Variants in ELP1 observed in about 807,000 individuals in gnomAD.
The protein encoded by ELP1 is elongator complex protein 1.
ELP1 carries 131 observed loss-of-function variants against 183.2 expected under a neutral mutation model. The observed-to-expected ratio is 0.72, with a 90% CI of 0.62 to 0.83. The LOEUF is 0.83. Among genes scored for constraint, ELP1 ranks in the 40% least tolerant of loss-of-function variants. The pLI, the probability that ELP1 is intolerant of heterozygous loss-of-function variation, is 0.00. For missense variants in ELP1, 1,550 were observed against 1,594.9 expected (o/e 0.97, Z 0.48); for synonymous variants, 555 against 569.0 (o/e 0.98, Z 0.35).
intron 5 of ELP1, among the ~76,000 whole-genome samples, chr9:108,924,264 A>T (rs1332936271): frequency 6.6e-6 from 1 of 152,180 alleles, no homozygotes; most frequent in Non-Finnish European, 1.5e-5. Context: ...TCAACATTAG[A>T]ATTGAGCAGC....
At chr9:108,887,915 T>C (rs576672634) in intron 29 of ELP1, among the ~76,000 whole-genome samples, 2 of 152,260 alleles carry the variant, frequency 1.3e-5, no homozygotes, top group East Asian at 3.9e-4. Context: ...AAGTTAAACA[T>C]CCACTTACCA....
intron 34 of ELP1, 95 bp downstream of exon 34, chr9:108,878,528 A>T: frequency 1.3e-6 from 2 of 1,521,192 alleles, no homozygotes; most frequent in East Asian, 2.3e-5. Flanking sequence ...AAATTGGGAA[A>T]ATGGTAGCTT....
chr9:108,885,644 C>T (rs973923214), intron 29 of ELP1, among the ~76,000 whole-genome samples: 1 of 152,202 alleles, frequency 6.6e-6, no homozygotes, highest in Non-Finnish European at 1.5e-5. Context: ...GTTGGAGTAG[C>T]TGATCAAAGC....
intron 8 of ELP1, 26 bp from the exon 9 acceptor site, chr9:108,917,696 A>G (rs369406513): frequency 2.5e-5 from 41 of 1,613,442 alleles, no homozygotes; most frequent in Admixed American, 1.3e-4. Flanking sequence ...GAGTGTTACA[A>G]TATCGAAAGC....
intron 29 of ELP1, among the ~76,000 whole-genome samples, chr9:108,882,529 T>C (rs775885798): frequency 2.0e-5 from 3 of 152,166 alleles, no homozygotes; most frequent in Non-Finnish European, 4.4e-5. Context: ...TCCAGAATTG[T>C]TAACAAGACC....
rs767528527 is a variant in ELP1, at chr9:108,898,515, A to T, written c.2350T>A (p.Phe784Ile). Residue 784 changes from phenylalanine (F) to isoleucine (I), a missense_variant, in exon 22 of 37, where the codon TTT becomes ATT. By Grantham distance (21) the Phe-to-Ile change is conservative. Transcript: ENST00000374647. ...CAAAATACTTACTTCAATTCTGTAAAAAACAAGTTAATATGATTCACAGAA... is the reference window on the plus strand; with the variant it reads ...CAAAATACTTACTTCAATTCTGTAATAAACAAGTTAATATGATTCACAGAA... ...IDSVNHINLFFTELKEEDVTK... is the reference protein window; with the variant it reads ...IDSVNHINLFITELKEEDVTK... 6.4e-7 allele frequency: 1 copy of T among 1,561,790 alleles called. No homozygotes were observed. The highest frequency in any genetic ancestry group is 1.7e-5 in the Admixed American group (1 of 59,576).
Position 108,908,388 on chromosome 9 carries a change from A to G in ELP1, c.1377T>C (p.Ala459=). ...CAGCTCCCAGTTTCACTGTAGGGTCAGCACTTGGACAATCACCTGGAAAAC... is the reference window on the plus strand; with the variant it reads ...CAGCTCCCAGTTTCACTGTAGGGTCGGCACTTGGACAATCACCTGGAAAAC... ...SVYKCGDCPS[A]DPTVKLGAVG... is the part of the protein sequence containing the mutation. The change falls in exon 13 of 37, where the codon GCT becomes GCC. Residue 459 remains alanine (A), a synonymous_variant. Transcript: ENST00000374647. The G allele has an allele frequency of 6.2e-7, 1 of 1,614,088 alleles. No homozygotes were observed. The highest frequency in any genetic ancestry group is 8.5e-7 in the Non-Finnish European group (1 of 1,179,920).
intron 2 of ELP1, among the ~76,000 whole-genome samples, chr9:108,930,704 A>C (rs1014651976): frequency 1.3e-5 from 2 of 151,974 alleles, no homozygotes; most frequent in Non-Finnish European, 2.9e-5. Context: ...AAAAAAAAAA[A>C]AAAAAACCAC....
At chr9:108,927,751 G>A (rs778278930) in intron 3 of ELP1, among the ~76,000 whole-genome samples, 1 of 152,138 alleles carries the variant, frequency 6.6e-6, no homozygotes, top group Non-Finnish European at 1.5e-5. Flanking sequence ...AGATGGAACT[G>A]GAGATGATTA....
chr9:108,906,598 T>G, intron 13 of ELP1, 113 bp from the exon 14 acceptor site: 1 of 826,590 alleles, frequency 1.2e-6, no homozygotes, highest in Non-Finnish European at 2.0e-6. Flanking sequence ...TCCTAATTAT[T>G]TGGAGGGACA....
chr9:108,880,599 T>C (rs1371102606), intron 31 of ELP1, among the ~76,000 whole-genome samples: 2 of 152,176 alleles, frequency 1.3e-5, no homozygotes, highest in East Asian at 1.9e-4. Flanking sequence ...ATAAATATTG[T>C]CCAATGGAAA....
At position 108,916,250 on chromosome 9, in the gene ELP1, C is replaced by A. The variant is rs368237362; in HGVS notation, c.912G>T (p.Trp304Cys). The A allele has an allele frequency of 6.2e-7, 1 of 1,614,032 alleles. No individual in the cohort carries two copies. Among genetic ancestry groups the A allele is most frequent in the African/African-American group, 1.3e-5 (1 of 74,912 alleles). ...TTTCTTCTCTCTGAAGGTCTTCCAGCCAGACTGCAAGCACAGAGGAATCTG... is the reference window on the plus strand; with the variant it reads ...TTTCTTCTCTCTGAAGGTCTTCCAGACAGACTGCAAGCACAGAGGAATCTG... ...WNADSSVLAV[W>C]LEDLQREESS... is the part of the protein sequence containing the mutation. The change falls in exon 10 of 37, where the codon TGG (tryptophan) becomes TGT (cysteine). Residue 304 changes from tryptophan to cysteine, a missense_variant. By Grantham distance (215) the Trp-to-Cys change is radical (BLOSUM62 -2). Transcript: ENST00000374647.
rs1828700001 is a variant in ELP1, at chr9:108,899,833, C to T, written c.2193G>A (p.Lys731=). The stretch of plus-strand genomic sequence containing the variant: ...ACAATGGCACTTACTTGTCCAACCA[C>T]TTCCGAATCTGAGCTAAAACCAGGG... ...HRALVLAQIR[K]WLDKLMFKEA... Residue 731 remains lysine, a synonymous_variant, in exon 20 of 37, where the codon AAG becomes AAA. Coordinates refer to ENST00000374647, the MANE Select transcript of ELP1 (RefSeq NM_003640.5). The T allele has an allele frequency of 1.9e-6, 3 of 1,613,904 alleles. No homozygotes were observed. In the African/African-American group the frequency reaches 4.0e-5, roughly 22 times the overall value.
At chr9:108,912,759 T>A (rs565801873) in intron 10 of ELP1, among the ~76,000 whole-genome samples, 8 of 151,100 alleles carry the variant, frequency 5.3e-5, no homozygotes, top group Admixed American at 5.3e-4. Context: ...TTTCGTTTTT[T>A]TTTTTTTTTT....
chr9:108,888,219 G>C (rs1284744433), intron 29 of ELP1, among the ~76,000 whole-genome samples: 1 of 152,214 alleles, frequency 6.6e-6, no homozygotes, highest in Non-Finnish European at 1.5e-5. Context: ...TTTACTGACT[G>C]ATCAGTTTGC....
At chr9:108,896,736 C>T in intron 24 of ELP1, 92 bp from the exon 25 acceptor site, 1 of 1,256,364 alleles carries the variant, frequency 8.0e-7, no homozygotes, top group Non-Finnish European at 1.2e-6. Context: ...ATAAATTTTT[C>T]TCAATAGAAC....
At chr9:108,879,901 A>C in intron 32 of ELP1, 151 bp downstream of exon 32, 1 of 702,492 alleles carries the variant, frequency 1.4e-6, no homozygotes, top group Admixed American at 2.0e-5. Flanking sequence ...ACACAGACAC[A>C]GAGGGCCCTG....
chr9:108,886,452 A>G (rs10816758), intron 29 of ELP1, among the ~76,000 whole-genome samples: 60,519 of 151,982 alleles, frequency 0.4, 14,021 homozygotes, highest in African/African-American at 0.65. Flanking sequence ...AATCTGCCAC[A>G]AGAGAAAAAG....
At chr9:108,928,969 C>G (rs1461795365) in intron 3 of ELP1, among the ~76,000 whole-genome samples, 2 of 152,226 alleles carry the variant, frequency 1.3e-5, no homozygotes, top group Non-Finnish European at 1.5e-5. Flanking sequence ...TGTGCCTTAA[C>G]TGCCTCTTCT....
Sources: gnomAD v4.1 joint callset for allele counts (sites outside exome capture counted in the v4.1 genomes callset) on GRCh38, gnomAD v4.1.1 for gene constraint, MANE v1.5 for transcripts, NCBI Gene and HGNC (gene_info 2026-07-23, HGNC 2026-07-21) for gene names.